HECW2: variants seen among roughly 807,000 people sequenced by gnomAD.
HECW2 encodes E3 ubiquitin-protein ligase HECW2.
In HECW2, 61 loss-of-function variants were observed where a neutral mutation model predicts 175.2. The ratio of observed to expected loss-of-function variants is 0.35; its 90% confidence interval spans 0.28 to 0.43. The LOEUF (loss-of-function observed/expected upper bound fraction) is 0.43. Among genes scored for constraint, HECW2 ranks in the 20% least tolerant of loss-of-function variants. HECW2 has a pLI of 1.00. For synonymous variants in HECW2, 671 were observed against 731.0 expected, an observed-to-expected ratio of 0.92 and a Z score of 1.32; for missense variants, 1,524 against 2,000.5, an observed-to-expected ratio of 0.76 and a Z score of 4.54.
At chr2:196,417,855 T>G (rs1206259248) in intron 2 of HECW2, among the ~76,000 whole-genome samples, 2 of 152,194 alleles carry the variant, frequency 1.3e-5, no homozygotes, top group African/African-American at 4.8e-5. Context: ...TCTTAAAGCT[T>G]TCCTTTTCAT....
At chr2:196,288,430 C>A (rs1450934789) in intron 14 of HECW2, 1 of 152,272 alleles carries the variant, frequency 6.6e-6, no homozygotes, top group Non-Finnish European at 1.5e-5. Context: ...GACTACCCTG[C>A]AGTGATCAAG....
intron 1 of HECW2, among the ~76,000 whole-genome samples, chr2:196,580,575 A>G (rs1388253066): frequency 6.6e-6 from 1 of 152,090 alleles, no homozygotes; most frequent in Non-Finnish European, 1.5e-5. Flanking sequence ...GCACATGAAA[A>G]AATGTTCAAC....
chr2:196,394,812 T>C (rs1014665499), intron 2 of HECW2, among the ~76,000 whole-genome samples: 1 of 152,238 alleles, frequency 6.6e-6, no homozygotes, highest in African/African-American at 2.4e-5. Context: ...AAGAATGAAG[T>C]TGGACCATGT....
chr2:196,348,502 G>T (rs1429574393), intron 2 of HECW2, among the ~76,000 whole-genome samples: 1 of 151,996 alleles, frequency 6.6e-6, no homozygotes, highest in Non-Finnish European at 1.5e-5. Flanking sequence ...TTTTTAATTA[G>T]CTGGGCATGG....
At chr2:196,229,240 C>A (rs113208168) in intron 21 of HECW2, among the ~76,000 whole-genome samples, 2 of 152,006 alleles carry the variant, frequency 1.3e-5, no homozygotes, top group African/African-American at 4.8e-5. Flanking sequence ...TCTCCTTCTT[C>A]CTCTTTTCTC....
intron 6 of HECW2, 117 bp downstream of exon 6, chr2:196,324,863 C>A: frequency 1.3e-6 from 1 of 758,450 alleles, no homozygotes; most frequent in Non-Finnish European, 2.0e-6. Flanking sequence ...TACCCCTTCC[C>A]AGCAGAACCC....
chr2:196,202,038 C>A (rs1351442813), intron 28 of HECW2, among the ~76,000 whole-genome samples: 1 of 152,136 alleles, frequency 6.6e-6, no homozygotes, highest in Admixed American at 6.5e-5. Context: ...AGAAATACTT[C>A]TTTTGCCAAG....
intron 17 of HECW2, among the ~76,000 whole-genome samples, chr2:196,265,042 T>A (rs1366352166): frequency 6.6e-6 from 1 of 152,186 alleles, no homozygotes; most frequent in South Asian, 2.1e-4. Flanking sequence ...CAGCTAAACC[T>A]TGAGCCAGAA....
At chr2:196,368,234 C>T (rs1027142445) in intron 2 of HECW2, among the ~76,000 whole-genome samples, 4 of 152,138 alleles carry the variant, frequency 2.6e-5, no homozygotes, top group Admixed American at 2.0e-4. Context: ...TACATTTCTA[C>T]CAAGGTGTAC....
chr2:196,250,402 C>T (rs936151013), intron 19 of HECW2, among the ~76,000 whole-genome samples: 8 of 152,216 alleles, frequency 5.3e-5, no homozygotes, highest in Non-Finnish European at 8.8e-5. Context: ...AAAAGCGACA[C>T]ATTAACCTTT....
intron 9 of HECW2, among the ~76,000 whole-genome samples, chr2:196,317,674 T>C (rs1242904552): frequency 2.7e-5 from 4 of 147,206 alleles, no homozygotes; most frequent in Admixed American, 2.7e-4. Context: ...GTGGCTACAA[T>C]ATAATGAAGG....
Position 196,436,465 on chromosome 2 carries a change from G to A in HECW2, c.-35-3007C>T, listed in dbSNP as rs141967220. Reference sequence around the variant, plus strand: ...CACCAGTAGTGGGTTCATCGTTCATGCAAAAATAACTGTGCTCCTCCTAAG... The same window carrying A: ...CACCAGTAGTGGGTTCATCGTTCATACAAAAATAACTGTGCTCCTCCTAAG... On this transcript the variant is annotated intron_variant, in intron 1 of 28. Coordinates refer to ENST00000644978, the MANE Select transcript of HECW2 (RefSeq NM_001348768.2). Among the ~76,000 whole-genome samples, 101 of 150,716 alleles carry A rather than the reference G, an allele frequency of 6.7e-4. 1 individual carries two copies. Among genetic ancestry groups the A allele is most frequent in the African/African-American group, 2.4e-3 (100 of 41,102 alleles).
intron 5 of HECW2, 36 bp downstream of exon 5, chr2:196,329,538 CT>C (rs775803530): frequency 6.5e-7 from 1 of 1,547,686 alleles, no homozygotes; most frequent in Non-Finnish European, 8.9e-7. Flanking sequence ...AAACTGTACA[CT>C]TTCAAACTGG....
chr2:196,342,357 T>C (rs1692785584), intron 3 of HECW2, among the ~76,000 whole-genome samples: 2 of 150,256 alleles, frequency 1.3e-5, no homozygotes, highest in African/African-American at 2.5e-5. Flanking sequence ...TGAGCCGAGA[T>C]TGCGCCATTG....
intron 18 of HECW2, among the ~76,000 whole-genome samples, chr2:196,255,328 C>T (rs1689017653): frequency 6.6e-6 from 1 of 151,702 alleles, no homozygotes; most frequent in African/African-American, 2.4e-5. Context: ...TCTATTCTTC[C>T]AGTTGATTAT....
At chr2:196,499,073 A>G (rs1231320300) in intron 1 of HECW2, among the ~76,000 whole-genome samples, 1 of 151,970 alleles carries the variant, frequency 6.6e-6, no homozygotes. Flanking sequence ...CTAGCCTCAA[A>G]ATTCTCAGAG....
intron 1 of HECW2, among the ~76,000 whole-genome samples, chr2:196,485,733 T>G (rs1686979202): frequency 6.6e-6 from 1 of 151,976 alleles, no homozygotes; most frequent in Non-Finnish European, 1.5e-5. Context: ...GCCAGAGACA[T>G]GATCATAAGG....
chr2:196,392,926 C>G (rs559111283), intron 2 of HECW2, among the ~76,000 whole-genome samples: 1 of 152,130 alleles, frequency 6.6e-6, no homozygotes, highest in Non-Finnish European at 1.5e-5. Flanking sequence ...TACAGTAACC[C>G]AAACAGCATG....
At chr2:196,472,863 C>G (rs1697269091) in intron 1 of HECW2, among the ~76,000 whole-genome samples, 2 of 152,224 alleles carry the variant, frequency 1.3e-5, no homozygotes, top group Non-Finnish European at 2.9e-5. Flanking sequence ...TCAAGTGATC[C>G]ACCCGCCTTG....
Sources: gnomAD v4.1 joint callset for allele counts (sites outside exome capture counted in the v4.1 genomes callset) on GRCh38, gnomAD v4.1.1 for gene constraint, MANE v1.5 for transcripts, NCBI Gene and HGNC (gene_info 2026-07-23, HGNC 2026-07-21) for gene names.